Variants in GAREM1 observed in about 807,000 individuals in gnomAD.
The protein encoded by GAREM1 is GRB2 associated regulator of MAPK1 subtype 1.
Under a neutral mutation model 71.3 loss-of-function variants are expected in GAREM1, and 26 were observed. The observed-to-expected ratio is 0.36, with a 90% CI of 0.27 to 0.51. GAREM1 has a LOEUF of 0.51. Among genes scored for constraint, GAREM1 ranks in the 20% least tolerant of loss-of-function variants. The probability of loss-of-function intolerance (pLI) is 0.95; values close to 1 mark genes in which losing one functional copy is unlikely to be tolerated. For synonymous variants in GAREM1, 440 were observed against 433.2 expected (o/e 1.02, Z -0.20); for missense variants, 1,026 against 1,103.1 (o/e 0.93, Z 0.99).
At chr18:32,363,995 C>CATACATAT (rs1555638699) in intron 2 of GAREM1, among the ~76,000 whole-genome samples, 2 of 21,330 alleles carry the variant, frequency 9.4e-5, no homozygotes, top group Non-Finnish European at 1.7e-4. Context: ...TACATATATA[C>CATACATAT]ATATATATAT....
chr18:32,413,117 C>CCCT (rs1390239240), intron 1 of GAREM1: 2 of 1,533,508 alleles, frequency 1.3e-6, no homozygotes, highest in African/African-American at 2.7e-5. Flanking sequence ...CAAAGCTCAA[C>CCCT]CCTCCAATGA....
intron 2 of GAREM1, among the ~76,000 whole-genome samples, chr18:32,310,777 T>A (rs905053784): frequency 1.3e-5 from 2 of 152,208 alleles, no homozygotes; most frequent in Admixed American, 6.5e-5. Context: ...AAATTTTTTT[T>A]TTTTGCAAAT....
At chr18:32,285,229 G>A (rs1173198967) in intron 4 of GAREM1, among the ~76,000 whole-genome samples, 1 of 152,174 alleles carries the variant, frequency 6.6e-6, no homozygotes, top group Non-Finnish European at 1.5e-5. Context: ...AAGGATCAAG[G>A]GCAAGTCCAG....
chr18:32,400,252 C>T (rs188553984), intron 1 of GAREM1, among the ~76,000 whole-genome samples: 3 of 152,302 alleles, frequency 2.0e-5, no homozygotes, highest in Non-Finnish European at 4.4e-5. Flanking sequence ...CCATTCAGGA[C>T]ACAGGCATGG....
chr18:32,452,203 T>C (rs1466508799), intron 1 of GAREM1, among the ~76,000 whole-genome samples: 3 of 152,174 alleles, frequency 2.0e-5, no homozygotes, highest in Non-Finnish European at 4.4e-5. Context: ...CTGTAGTTTG[T>C]TACCCATTTT....
chr18:32,394,711 A>C (rs1261100112), intron 1 of GAREM1, among the ~76,000 whole-genome samples: 1 of 152,136 alleles, frequency 6.6e-6, no homozygotes, highest in African/African-American at 2.4e-5. Flanking sequence ...GGAAGGAAAA[A>C]TCTAGAACTG....
intron 2 of GAREM1, among the ~76,000 whole-genome samples, chr18:32,336,166 C>T (rs2047590973): frequency 1.3e-5 from 2 of 152,308 alleles, no homozygotes; most frequent in East Asian, 1.9e-4. Context: ...CACGGTGGCT[C>T]ACACCTGTAA....
chr18:32,277,863 T>C (rs1421878492), intron 4 of GAREM1, among the ~76,000 whole-genome samples: 2 of 152,248 alleles, frequency 1.3e-5, no homozygotes, highest in East Asian at 1.9e-4. Flanking sequence ...CAGAGTTACA[T>C]GTAGATCTTT....
chr18:32,416,045 A>G (rs1242049244), intron 1 of GAREM1, among the ~76,000 whole-genome samples: 1 of 152,168 alleles, frequency 6.6e-6, no homozygotes, highest in Non-Finnish European at 1.5e-5. Flanking sequence ...CAAAATCAAC[A>G]TACAAAAATC....
intron 3 of GAREM1, 109 bp downstream of exon 3, chr18:32,310,084 G>A (rs2047301173): frequency 7.8e-7 from 1 of 1,275,956 alleles, no homozygotes; most frequent in Non-Finnish European, 1.1e-6. Flanking sequence ...ACTATTAGAA[G>A]ATAAAACCCT....
chr18:32,337,804 G>T (rs931039882), intron 2 of GAREM1, among the ~76,000 whole-genome samples: 11 of 152,142 alleles, frequency 7.2e-5, no homozygotes, highest in Non-Finnish European at 1.6e-4. Flanking sequence ...AAAATTAGTG[G>T]GTGGTTTTCT....
At chr18:32,274,725 G>T (rs1007832735) in intron 4 of GAREM1, among the ~76,000 whole-genome samples, 2 of 152,014 alleles carry the variant, frequency 1.3e-5, no homozygotes, top group Non-Finnish European at 2.9e-5. Flanking sequence ...AGTTTTTACT[G>T]CCCACCACAC....
chr18:32,378,856 C>A (rs988743121), intron 2 of GAREM1, among the ~76,000 whole-genome samples: 5 of 152,178 alleles, frequency 3.3e-5, no homozygotes, highest in Non-Finnish European at 7.3e-5. Flanking sequence ...ATGCAATTTG[C>A]TAGTCACGAA....
intron 1 of GAREM1, among the ~76,000 whole-genome samples, chr18:32,452,431 C>T (rs1487253307): frequency 6.6e-6 from 1 of 152,172 alleles, no homozygotes; most frequent in Non-Finnish European, 1.5e-5. Flanking sequence ...CGTTCCAAAC[C>T]TTTGTCAGGC....
chr18:32,397,980 C>T (rs1226300395), intron 1 of GAREM1, among the ~76,000 whole-genome samples: 1 of 152,210 alleles, frequency 6.6e-6, no homozygotes, highest in Admixed American at 6.5e-5. Flanking sequence ...GACCACAATG[C>T]AATCAAACTA....
chr18:32,318,533 G>A (rs886278325), intron 2 of GAREM1, among the ~76,000 whole-genome samples: 1 of 152,192 alleles, frequency 6.6e-6, no homozygotes, highest in Non-Finnish European at 1.5e-5. Context: ...ATAAAAGGCA[G>A]ACTTAGAGGT....
Position 32,392,878 on chromosome 18 carries a change from C to T in GAREM1, c.262+17G>A. ...CTTTCTCTCGCTGCCTCATCTTGGC[C>T]CTTGGAGGAGTCTTACCTGCATAAT... On this transcript the variant is annotated intron_variant, in intron 2 of 5. Transcript: ENST00000269209. 6.2e-7 allele frequency: 1 copy of T among 1,607,938 alleles called. No homozygotes were observed. Among genetic ancestry groups the T allele is most frequent in the Non-Finnish European group, 8.5e-7 (1 of 1,175,990 alleles).
At chr18:32,349,129 A>G (rs1412825239) in intron 2 of GAREM1, among the ~76,000 whole-genome samples, 2 of 152,338 alleles carry the variant, frequency 1.3e-5, no homozygotes, top group East Asian at 3.9e-4. Context: ...ACATGGGATA[A>G]CTAGATCAAA....
intron 4 of GAREM1, among the ~76,000 whole-genome samples, chr18:32,281,390 C>T (rs2046950253): frequency 6.6e-6 from 1 of 152,064 alleles, no homozygotes; most frequent in African/African-American, 2.4e-5. Context: ...TTTTCTCAAA[C>T]ACCAACAACA....
Sources: gnomAD v4.1 joint callset for allele counts (sites outside exome capture counted in the v4.1 genomes callset) on GRCh38, gnomAD v4.1.1 for gene constraint, MANE v1.5 for transcripts, NCBI Gene and HGNC (gene_info 2026-07-23, HGNC 2026-07-21) for gene names.